CDH4: variants seen among roughly 807,000 people sequenced by gnomAD.
The protein encoded by CDH4 is cadherin 4.
In CDH4, 33 loss-of-function variants were observed where a neutral mutation model predicts 86.0. The observed-to-expected ratio is 0.38, with a 90% CI of 0.29 to 0.51. CDH4 has a LOEUF of 0.51. Among genes scored for constraint, CDH4 ranks in the 20% least tolerant of loss-of-function variants. CDH4 has a pLI of 0.86. For missense variants in CDH4, 1,114 were observed against 1,307.4 expected (o/e 0.85, Z 2.28); for synonymous variants, 555 against 549.4 (o/e 1.01, Z -0.14).
intron 2 of CDH4, among the ~76,000 whole-genome samples, chr20:61,564,529 T>C (rs2086248336): frequency 6.6e-6 from 1 of 152,124 alleles, no homozygotes; most frequent in Non-Finnish European, 1.5e-5. Context: ...GCTCTCACTC[T>C]CACCATGTGA....
At chr20:61,788,145 T>C (rs1353938135) in intron 4 of CDH4, among the ~76,000 whole-genome samples, 1 of 152,198 alleles carries the variant, frequency 6.6e-6, no homozygotes, top group Non-Finnish European at 1.5e-5. Flanking sequence ...GGTGTTGTTT[T>C]AATGTCCCGC....
In CDH4 at chr20:61,912,797, C is replaced by T. The variant is rs554861122; in HGVS notation, c.1374+2190C>T. Among the ~76,000 whole-genome samples, 11 of 152,296 alleles carry T rather than the reference C, an allele frequency of 7.2e-5. No homozygotes were observed. The East Asian group carries it at 1.9e-3, about 27-fold the overall frequency. On this transcript the variant is annotated intron_variant, in intron 9 of 15. Coordinates refer to ENST00000614565, the MANE Select transcript of CDH4 (RefSeq NM_001794.5). ...CCAGTGGCAAAGTCAGATCTGTGTGCGCAGGGACTGGGCATGGTGAGGAAG... is the reference window on the plus strand; with the variant it reads ...CCAGTGGCAAAGTCAGATCTGTGTGTGCAGGGACTGGGCATGGTGAGGAAG...
At chr20:61,816,783 G>A (rs1980739977) in intron 4 of CDH4, among the ~76,000 whole-genome samples, 1 of 152,166 alleles carries the variant, frequency 6.6e-6, no homozygotes. Context: ...ACCCGCTGCT[G>A]ACACAGAGCT....
At chr20:61,904,359 C>T (rs1273752111) in intron 8 of CDH4, among the ~76,000 whole-genome samples, 1 of 152,136 alleles carries the variant, frequency 6.6e-6, no homozygotes, top group African/African-American at 2.4e-5. Flanking sequence ...GGATGTGGGA[C>T]AGGGTGTGCC....
At chr20:61,279,911 G>T (rs971733748) in intron 2 of CDH4, among the ~76,000 whole-genome samples, 1 of 152,210 alleles carries the variant, frequency 6.6e-6, no homozygotes, top group Non-Finnish European at 1.5e-5. Context: ...CGGATACTCG[G>T]AGGGAAAGGG....
chr20:61,454,409 C>T (rs922682356), intron 2 of CDH4, among the ~76,000 whole-genome samples: 1 of 152,110 alleles, frequency 6.6e-6, no homozygotes, highest in East Asian at 1.9e-4. Flanking sequence ...GCCCGCAAGA[C>T]AGAGTAGGAG....
At chr20:61,597,369 G>A (rs763444654) in intron 2 of CDH4, among the ~76,000 whole-genome samples, 3 of 152,134 alleles carry the variant, frequency 2.0e-5, no homozygotes, top group Non-Finnish European at 4.4e-5. Context: ...CTCACCTTGG[G>A]GTATACAAGG....
At chr20:61,737,196 C>A (rs1290600365) in intron 2 of CDH4, among the ~76,000 whole-genome samples, 1 of 152,096 alleles carries the variant, frequency 6.6e-6, no homozygotes, top group Non-Finnish European at 1.5e-5. Flanking sequence ...GAGGGTGGTC[C>A]CTGGAGGATG....
chr20:61,391,350 C>T (rs894956794), intron 2 of CDH4, among the ~76,000 whole-genome samples: 5 of 152,116 alleles, frequency 3.3e-5, no homozygotes, highest in Non-Finnish European at 5.9e-5. Context: ...CTGACACTTG[C>T]GTCAGGAGAA....
intron 2 of CDH4, among the ~76,000 whole-genome samples, chr20:61,356,325 G>A (rs2084750082): frequency 6.6e-6 from 1 of 152,200 alleles, no homozygotes; most frequent in Non-Finnish European, 1.5e-5. Context: ...CTGCCAAGCA[G>A]CAGGCCATTC....
chr20:61,890,632 C>T (rs555594056), intron 7 of CDH4, among the ~76,000 whole-genome samples: 5 of 152,036 alleles, frequency 3.3e-5, no homozygotes, highest in South Asian at 2.1e-4. Context: ...GATGGGTAGA[C>T]GGATGAGGGA....
At chr20:61,729,686 G>T (rs760100852) in intron 2 of CDH4, among the ~76,000 whole-genome samples, 1 of 152,212 alleles carries the variant, frequency 6.6e-6, no homozygotes, top group African/African-American at 2.4e-5. Flanking sequence ...GGGCCACACC[G>T]GAGAGTGTAA....
intron 2 of CDH4, among the ~76,000 whole-genome samples, chr20:61,279,488 T>C (rs1176055390): frequency 6.6e-6 from 1 of 151,718 alleles, no homozygotes; most frequent in Admixed American, 6.6e-5. Context: ...GCTCAGCTCC[T>C]AGGGGTGGGG....
intron 2 of CDH4, among the ~76,000 whole-genome samples, chr20:61,506,853 T>C (rs2085744715): frequency 6.6e-6 from 1 of 152,180 alleles, no homozygotes; most frequent in African/African-American, 2.4e-5. Flanking sequence ...TTTAAACATT[T>C]GCGAAAGGAA....
intron 3 of CDH4, among the ~76,000 whole-genome samples, chr20:61,769,712 T>C (rs1467359350): frequency 2.0e-5 from 3 of 152,160 alleles, no homozygotes; most frequent in Non-Finnish European, 2.9e-5. Flanking sequence ...GGAGGACTTA[T>C]GGGGAGACTA....
chr20:61,526,184 G>T (rs1346945035), intron 2 of CDH4, among the ~76,000 whole-genome samples: 4 of 151,608 alleles, frequency 2.6e-5, no homozygotes, highest in African/African-American at 9.7e-5. Context: ...CCCTCCCCGG[G>T]TGGTTCTGTC....
chr20:61,504,915 T>G (rs921299837), intron 2 of CDH4, among the ~76,000 whole-genome samples: 4 of 152,126 alleles, frequency 2.6e-5, no homozygotes, highest in African/African-American at 9.7e-5. Flanking sequence ...AGAAGAAGTG[T>G]CTGGTTTAAT....
intron 2 of CDH4, among the ~76,000 whole-genome samples, chr20:61,542,243 G>T (rs1468423946): frequency 6.6e-6 from 1 of 152,198 alleles, no homozygotes; most frequent in Admixed American, 6.5e-5. Context: ...ATTTTCTGTT[G>T]TTATAAACAG....
At chr20:61,444,777 G>A (rs1026748290) in intron 2 of CDH4, among the ~76,000 whole-genome samples, 8 of 151,448 alleles carry the variant, frequency 5.3e-5, no homozygotes, top group African/African-American at 1.7e-4. Flanking sequence ...GTTTCTGCAT[G>A]TGTGTGTTTT....
Sources: allele counts gnomAD v4.1 joint callset (sites outside exome capture counted in the v4.1 genomes callset), GRCh38; gene constraint gnomAD v4.1.1; transcripts MANE v1.5; gene names NCBI Gene and HGNC (gene_info 2026-07-23, HGNC 2026-07-21).